KHDC1: variants seen among roughly 807,000 people sequenced by gnomAD.
The protein encoded by KHDC1 is KH domain containing 1, also known as KH homology domain-containing protein 1.
A neutral mutation model predicts 24.7 loss-of-function variants in KHDC1; 21 were observed. The ratio of observed to expected loss-of-function variants is 0.85; its 90% CI spans 0.60 to 1.23. KHDC1 has a LOEUF of 1.23. KHDC1 is among the 50% of genes most tolerant of loss of function. KHDC1 has a pLI of 0.00. For synonymous variants in KHDC1, 98 were observed against 111.7 expected (o/e 0.88, Z 0.77); for missense variants, 274 against 298.5 (o/e 0.92, Z 0.61).
intron 1 of KHDC1, chr6:73,299,304 G>C (rs1429265037): frequency 6.6e-6 from 1 of 152,294 alleles, no homozygotes; most frequent in South Asian, 2.1e-4. Context: ...AGCCCCGGGG[G>C]TGGGCACAGC....
intron 2 of KHDC1, among the ~76,000 whole-genome samples, chr6:73,282,361 A>G (rs1240456264): frequency 6.6e-6 from 1 of 152,184 alleles, no homozygotes; most frequent in African/African-American, 2.4e-5. Context: ...TTGCAAAATC[A>G]TAACTGAGAG....
chr6:73,241,839 CT>C lies in KHDC1; in HGVS notation c.515-112del, dbSNP rs953996797. 3.1e-5 allele frequency: 39 copies of C among 1,245,392 alleles called. No individual in the cohort carries two copies. In the African/African-American group the frequency reaches 4.8e-4, roughly 15 times the overall value. The allele number at this position is 1,245,392 out of a possible 1,614,324, so 77.1% of individuals were successfully genotyped here. On this transcript the variant is annotated intron_variant, in intron 4 of 4. Coordinates refer to ENST00000370384, the Ensembl canonical transcript of KHDC1. The stretch of plus-strand genomic sequence containing the variant: ...GGGAGGATGTCACCCCAGCCCAGAC[CT>C]TCCAAGGTAGCCCATTTACACCTCC...
At chr6:73,255,520 CT>C (rs753024090) in intron 2 of KHDC1, among the ~76,000 whole-genome samples, 320 of 131,634 alleles carry the variant, frequency 2.4e-3, no homozygotes, top group Middle Eastern at 3.9e-3. Context: ...CCACACCTGG[CT>C]TTTTTTTTTT....
At chr6:73,297,784 A>G (rs1767782846) in intron 1 of KHDC1, among the ~76,000 whole-genome samples, 1 of 152,226 alleles carries the variant, frequency 6.6e-6, no homozygotes, top group Non-Finnish European at 1.5e-5. Context: ...CAGAATTCCT[A>G]CAGCAGAAAT....
In KHDC1 at chr6:73,301,866, AAGCAATCCTGCCTC is replaced by A. The variant is rs547119000; in HGVS notation, c.163+7672_163+7685del. On this transcript the variant is annotated intron_variant, in intron 1 of 4. Coordinates refer to ENST00000370384, the Ensembl canonical transcript of KHDC1. The stretch of plus-strand genomic sequence containing the variant: ...AGGTTAGTCTTGAACTCCTGGGCTC[AAGCAATCCTGCCTC>A]AGCCTCCCAAAGTGCTGGCACTACA... Among the ~76,000 whole-genome samples the A allele has an allele frequency of 1.5e-3, 227 of 152,244 alleles. 1 individual carries two copies. Among genetic ancestry groups the A allele is most frequent in the African/African-American group, 5.3e-3 (221 of 41,548 alleles).
intron 2 of KHDC1, among the ~76,000 whole-genome samples, chr6:73,285,059 A>G (rs897502717): frequency 1.3e-5 from 2 of 151,856 alleles, no homozygotes; most frequent in South Asian, 2.1e-4. Context: ...TGGCCAGGCT[A>G]GTCTCGAACT....
chr6:73,268,160 A>T (rs1341963759), intron 2 of KHDC1: 1 of 152,812 alleles, frequency 6.5e-6, no homozygotes, highest in Non-Finnish European at 1.5e-5. Context: ...GTTCCTTCTT[A>T]TGTTTGGATG....
chr6:73,241,451 CT>C lies in KHDC1; in HGVS notation c.*77del, dbSNP rs1198909792. 6.5e-6 allele frequency: 9 copies of C among 1,390,690 alleles called. No individual in the cohort carries two copies. The East Asian group carries it at 2.1e-4, about 32-fold the overall frequency. 86.1% of individuals were successfully genotyped at this position (1,390,690 alleles called of 1,614,324 possible). A position where few individuals can be genotyped will look rare whatever the true frequency, so the allele number is the denominator to read the frequency against. The stretch of plus-strand genomic sequence containing the variant: ...CACAAGTTCAAACTTTCCTCAGTGT[CT>C]ATCATGTCTTTCTCACCAAAAGTGA... On this transcript the variant is annotated 3_prime_UTR_variant, in exon 5 of 5. Coordinates refer to ENST00000370384, the Ensembl canonical transcript of KHDC1.
At chr6:73,309,611 G>T (rs547364947) in exon 1 of KHDC1, 1 of 1,548,816 alleles carries the variant, frequency 6.5e-7, no homozygotes, top group South Asian at 1.2e-5. Context: ...CATCGCAAGG[G>T]TCTGGAGAAA....
chr6:73,290,440 G>A, intron 2 of KHDC1: 1 of 346,756 alleles, frequency 2.9e-6, no homozygotes, highest in Non-Finnish European at 5.6e-6. Context: ...AGTCACTTAG[G>A]TGACACTAAC....
intron 1 of KHDC1, among the ~76,000 whole-genome samples, chr6:73,296,182 C>T (rs2984128): frequency 0.07 from 10,496 of 150,930 alleles, 381 homozygotes; most frequent in East Asian, 0.13. Flanking sequence ...CGGCCAGGTG[C>T]GGTGGCTCAT....
At chr6:73,273,743 CG>C (rs1173146758) in intron 2 of KHDC1, among the ~76,000 whole-genome samples, 2 of 151,870 alleles carry the variant, frequency 1.3e-5, no homozygotes, top group Non-Finnish European at 2.9e-5. Context: ...GGCGTGAACC[CG>C]GGAGGTGGAG....
intron 2 of KHDC1, among the ~76,000 whole-genome samples, chr6:73,252,724 G>A (rs1766803221): frequency 6.6e-6 from 1 of 152,080 alleles, no homozygotes; most frequent in Non-Finnish European, 1.5e-5. Flanking sequence ...GGCTGAGGCT[G>A]GAGAATGGCT....
intron 2 of KHDC1, among the ~76,000 whole-genome samples, chr6:73,271,506 G>A (rs1767180561): frequency 6.6e-6 from 1 of 151,890 alleles, no homozygotes; most frequent in South Asian, 2.1e-4. Context: ...CGTGCCTGGT[G>A]TAAAATATAT....
At chr6:73,264,434 C>T (rs1053959865) in intron 2 of KHDC1, among the ~76,000 whole-genome samples, 22 of 152,312 alleles carry the variant, frequency 1.4e-4, no homozygotes, top group African/African-American at 5.3e-4. Context: ...AGTCTCAAGC[C>T]AGTACAGGAA....
At chr6:73,246,412 A>C (rs894573307) in intron 2 of KHDC1, among the ~76,000 whole-genome samples, 6 of 152,244 alleles carry the variant, frequency 3.9e-5, no homozygotes, top group African/African-American at 1.4e-4. Flanking sequence ...AATATTTTAA[A>C]AAGAACTTTC....
chr6:73,286,212 T>G (rs1767519959), intron 2 of KHDC1, among the ~76,000 whole-genome samples: 1 of 152,152 alleles, frequency 6.6e-6, no homozygotes, highest in Non-Finnish European at 1.5e-5. Context: ...CTAAATGGAT[T>G]CACTCGTTTG....
chr6:73,241,975 T>C, intron 4 of KHDC1, 80 bp downstream of exon 3: 2 of 1,452,504 alleles, frequency 1.4e-6, no homozygotes, highest in Non-Finnish European at 1.9e-6. Context: ...AAGGGATTCT[T>C]CAAGAATCCA....
In KHDC1 at chr6:73,241,685, GT is replaced by G. The variant is rs767579637; in HGVS notation, c.557del (p.Asn186ThrfsTer23). 3.7e-6 allele frequency: 6 copies of G among 1,614,158 alleles called. No homozygotes were observed. In the Admixed American group the frequency reaches 6.7e-5, roughly 18 times the overall value. ...CACTAATGGAGGTGACCAGGTCATC[GT>G]TGGTCAGAGGCTGGCTTCGGACACG... is the stretch of plus-strand genomic sequence containing the variant. On this transcript the variant is annotated frameshift_variant, in exon 5 of 5. Coordinates refer to ENST00000370384, the Ensembl canonical transcript of KHDC1. LOFTEE classifies it low-confidence loss of function (END_TRUNC).
Sources: allele counts gnomAD v4.1 joint callset (sites outside exome capture counted in the v4.1 genomes callset), GRCh38; gene constraint gnomAD v4.1.1; transcripts MANE v1.5; gene names NCBI Gene and HGNC (gene_info 2026-07-23, HGNC 2026-07-21).